The following SHC4 variants were observed in gnomAD, a reference collection of about 807,000 sequenced individuals.
SHC4 encodes the protein SHC-transforming protein 4.
SHC4 carries 41 observed loss-of-function variants against 69.4 expected under a neutral mutation model. The ratio of observed to expected loss-of-function variants is 0.59; its 90% CI spans 0.46 to 0.77. SHC4 has a LOEUF of 0.77. Among genes scored for constraint, SHC4 ranks in the 30% least tolerant of loss-of-function variants. The pLI is 0.00. For synonymous variants in SHC4, 318 were observed against 299.3 expected, an observed-to-expected ratio of 1.06 and a Z score of -0.64; for missense variants, 777 against 783.8, an observed-to-expected ratio of 0.99 and a Z score of 0.10.
At chr15:48,878,921 TAAAG>T (rs1899885312) in intron 4 of SHC4, 1 of 513,832 alleles carries the variant, frequency 1.9e-6, no homozygotes, top group East Asian at 3.0e-5. Context: ...AGAGAATCAT[TAAAG>T]AAAAAGAAAA....
chr15:48,847,383 C>G (rs1181691827), intron 9 of SHC4, among the ~76,000 whole-genome samples: 2 of 152,118 alleles, frequency 1.3e-5, no homozygotes, highest in African/African-American at 4.8e-5. Flanking sequence ...AAACATTATT[C>G]TATTTTGCTA....
intron 4 of SHC4, among the ~76,000 whole-genome samples, chr15:48,873,044 A>C (rs543354114): frequency 1.1e-4 from 16 of 152,338 alleles, no homozygotes; most frequent in South Asian, 2.1e-4. Flanking sequence ...GCAACAAAAA[A>C]TATTCTCAAA....
chr15:48,958,244 A>G (rs1422213458), intron 1 of SHC4, among the ~76,000 whole-genome samples: 2 of 152,240 alleles, frequency 1.3e-5, no homozygotes, highest in Non-Finnish European at 2.9e-5. Flanking sequence ...TGATGAGGCT[A>G]TCCTGCACAG....
chr15:48,860,279 T>C (rs1899416189), intron 6 of SHC4, among the ~76,000 whole-genome samples: 1 of 152,148 alleles, frequency 6.6e-6, no homozygotes, highest in African/African-American at 2.4e-5. Context: ...TTTGGGAGGC[T>C]GAGGCAGGTG....
At chr15:48,951,208 C>T (rs1901359835) in intron 1 of SHC4, among the ~76,000 whole-genome samples, 1 of 152,084 alleles carries the variant, frequency 6.6e-6, no homozygotes, top group African/African-American at 2.4e-5. Context: ...ACCTTGAACA[C>T]AGCAGGTGTA....
At chr15:48,836,147 C>T (rs1898894919) in intron 10 of SHC4, among the ~76,000 whole-genome samples, 1 of 151,616 alleles carries the variant, frequency 6.6e-6, no homozygotes. Flanking sequence ...GAGCCAAGAT[C>T]GCGCCACTGC....
chr15:48,902,265 G>A (rs1190361697), intron 2 of SHC4, among the ~76,000 whole-genome samples: 1 of 151,370 alleles, frequency 6.6e-6, no homozygotes, highest in East Asian at 1.9e-4. Context: ...ACCCAGCAAA[G>A]TATTCTCTGT....
intron 10 of SHC4, among the ~76,000 whole-genome samples, chr15:48,837,669 T>A (rs1898923484): frequency 6.6e-6 from 1 of 152,166 alleles, no homozygotes; most frequent in South Asian, 2.1e-4. Context: ...TAGATTTAAT[T>A]GAAACCATAA....
intron 11 of SHC4, among the ~76,000 whole-genome samples, chr15:48,831,334 G>C (rs761736387): frequency 1.3e-5 from 2 of 152,094 alleles, no homozygotes; most frequent in Non-Finnish European, 2.9e-5. Context: ...TAATGTCCTA[G>C]GTCTTTACAT....
At chr15:48,861,500 T>C (rs182135208) in intron 6 of SHC4, among the ~76,000 whole-genome samples, 129 of 152,270 alleles carry the variant, frequency 8.5e-4, no homozygotes, top group African/African-American at 3.0e-3. Flanking sequence ...GGGCCTTGAA[T>C]CACATATAAA....
At chr15:48,885,219 G>T (rs78368171) in intron 3 of SHC4, among the ~76,000 whole-genome samples, 4 of 152,072 alleles carry the variant, frequency 2.6e-5, no homozygotes, top group Non-Finnish European at 4.4e-5. Context: ...GTACCAACAG[G>T]GGGGCGAGAG....
intron 2 of SHC4, among the ~76,000 whole-genome samples, chr15:48,904,124 T>C (rs970568231): frequency 2.0e-5 from 3 of 152,188 alleles, no homozygotes; most frequent in Non-Finnish European, 4.4e-5. Context: ...GGATTAAACA[T>C]TTCCTTATTC....
At chr15:48,916,312 CACACA>C (rs1900621278) in intron 2 of SHC4, among the ~76,000 whole-genome samples, 5 of 146,922 alleles carry the variant, frequency 3.4e-5, no homozygotes, top group Non-Finnish European at 6.0e-5. Context: ...CACACACACA[CACACA>C]CCCAGAAGTA....
intron 6 of SHC4, among the ~76,000 whole-genome samples, chr15:48,867,411 G>A (rs564870474): frequency 6.6e-6 from 1 of 152,034 alleles, no homozygotes; most frequent in Admixed American, 6.6e-5. Flanking sequence ...CTCTTGAACA[G>A]CAAGTACACA....
intron 6 of SHC4, among the ~76,000 whole-genome samples, chr15:48,863,105 ATTATTTTAAAACAT>A (rs1899480120): frequency 7.8e-6 from 1 of 128,448 alleles, no homozygotes; most frequent in African/African-American, 2.9e-5. Context: ...TTCTGATTTC[ATTATTTTAAAACAT>A]TTATTCAAAG....
chr15:48,864,795 T>G (rs1221396532), intron 6 of SHC4, among the ~76,000 whole-genome samples: 1 of 152,158 alleles, frequency 6.6e-6, no homozygotes, highest in Non-Finnish European at 1.5e-5. Context: ...GATCATTTAG[T>G]AATTTCAGAA....
chr15:48,948,925 C>T (rs948487559), intron 1 of SHC4, among the ~76,000 whole-genome samples: 1 of 151,958 alleles, frequency 6.6e-6, no homozygotes, highest in African/African-American at 2.4e-5. Context: ...AAATCACACA[C>T]CTCCCTCTCA....
At chr15:48,878,832 G>GAA (rs575341291) in intron 4 of SHC4, 243 of 1,289,662 alleles carry the variant, frequency 1.9e-4, no homozygotes, top group Non-Finnish European at 2.5e-4. Context: ...TTGTGCCATT[G>GAA]AAAAACTTGA....
intron 2 of SHC4, among the ~76,000 whole-genome samples, chr15:48,916,271 GCTCA>G (rs1217141517): frequency 0.029 from 3,155 of 108,588 alleles, 54 homozygotes; most frequent in African/African-American, 0.066. Context: ...GCTGATGGTT[GCTCA>G]CACACACACA....
Sources: gnomAD v4.1 joint callset for allele counts (sites outside exome capture counted in the v4.1 genomes callset) on GRCh38, gnomAD v4.1.1 for gene constraint, MANE v1.5 for transcripts, NCBI Gene and HGNC (gene_info 2026-07-23, HGNC 2026-07-21) for gene names.